Variants in GPA33 observed in about 807,000 individuals in gnomAD.
GPA33 encodes the protein cell surface A33 antigen.
In GPA33, 27 loss-of-function variants were observed where a neutral mutation model predicts 35.6. The observed-to-expected ratio is 0.76, with a 90% CI of 0.56 to 1.04. GPA33 has a LOEUF of 1.04. GPA33 is among the 50% of genes least tolerant of loss of function. The pLI is 0.00. For synonymous variants in GPA33, 176 were observed against 164.0 expected (o/e 1.07, Z -0.56); for missense variants, 428 against 411.9 (o/e 1.04, Z -0.34).
At chr1:167,061,599 T>TC (rs1553243427) in intron 4 of GPA33, among the ~76,000 whole-genome samples, 1 of 140,350 alleles carries the variant, frequency 7.1e-6, no homozygotes, top group South Asian at 2.5e-4. Context: ...TTTTTTTTTT[T>TC]TTTTTTTTTT....
At chr1:167,057,954 C>T (rs2025889) in intron 4 of GPA33, among the ~76,000 whole-genome samples, 67,614 of 152,060 alleles carry the variant, frequency 0.44, 15,407 homozygotes, top group South Asian at 0.6. Flanking sequence ...ATCCCAGCAC[C>T]TTGGGAGGCC....
intron 2 of GPA33, among the ~76,000 whole-genome samples, chr1:167,070,228 C>T (rs2102187834): frequency 6.6e-6 from 1 of 152,220 alleles, no homozygotes; most frequent in Non-Finnish European, 1.5e-5. Context: ...ATATCAACCC[C>T]AGTCATTCAG....
At chr1:167,082,108 T>G (rs1277811709) in intron 1 of GPA33, 1 of 376,848 alleles carries the variant, frequency 2.7e-6, no homozygotes, top group African/African-American at 2.1e-5. Flanking sequence ...GGTGTTGGAC[T>G]GCATATATAA....
intron 1 of GPA33, among the ~76,000 whole-genome samples, chr1:167,080,923 T>G (rs1005297521): frequency 1.3e-5 from 2 of 152,154 alleles, no homozygotes; most frequent in Non-Finnish European, 2.9e-5. Context: ...CCAGAGAAAC[T>G]TGGTGGAAGA....
At position 167,063,681 on chromosome 1, in the gene GPA33, T is replaced by C. The variant is rs992363391; in HGVS notation, c.472A>G (p.Ile158Val). 2.1e-5 allele frequency: 34 copies of C among 1,613,618 alleles called. No homozygotes were observed. The highest frequency in any genetic ancestry group is 2.9e-5 in the Non-Finnish European group (34 of 1,179,928). ...IEGETIIGNN[I>V]QLTCQSKEGS... is the part of the protein sequence containing the mutation. ...TCCTTTGATTGGCAGGTCAGCTGGATGTTGTTCCCAATTATGGTCTCTCCC... is the reference window on the plus strand; with the variant it reads ...TCCTTTGATTGGCAGGTCAGCTGGACGTTGTTCCCAATTATGGTCTCTCCC... The change falls in exon 4 of 7, where the codon ATC (isoleucine) becomes GTC (valine). Residue 158 changes from isoleucine to valine, a missense_variant. By Grantham distance (29) the Ile-to-Val change is conservative. Transcript: ENST00000367868.
rs183906721 is a variant in GPA33 at position 167,068,879 on chromosome 1, C to T, written c.415+43G>A. 54 of 1,503,406 alleles carry T rather than the reference C, an allele frequency of 3.6e-5. No homozygotes were observed. In the East Asian group the frequency reaches 1.1e-3, roughly 30 times the overall value. 93.1% of individuals were successfully genotyped at this position (1,503,406 alleles called of 1,614,324 possible). On this transcript the variant is annotated intron_variant, in intron 3 of 6. Transcript: ENST00000367868. ...CTCTTCTCCCTGTGCTGCCACCTGCCCACCCTCTTCCTACAACTCCTGAAA... is the reference window on the plus strand; with the variant it reads ...CTCTTCTCCCTGTGCTGCCACCTGCTCACCCTCTTCCTACAACTCCTGAAA...
chr1:167,074,575 C>CTGAG (rs1188163345), intron 1 of GPA33, among the ~76,000 whole-genome samples: 2 of 152,112 alleles, frequency 1.3e-5, no homozygotes, highest in African/African-American at 4.8e-5. Flanking sequence ...ATTTTAAGTA[C>CTGAG]TGAGTTTTGG....
rs1666178970 is a variant in GPA33, at chr1:167,054,209, G to T, written c.*125C>A. 1 of 1,255,230 alleles carries T rather than the reference G, an allele frequency of 8.0e-7. No homozygotes were observed. The highest frequency in any genetic ancestry group is 1.5e-5 in the African/African-American group (1 of 67,858). 77.8% of individuals were successfully genotyped at this position (1,255,230 alleles called of 1,614,324 possible). The stretch of plus-strand genomic sequence containing the variant: ...GTTCCCCACAGCTGACACTGGGGAA[G>T]AAATGTCCCCATCAATGTCTGGGAT... On this transcript the variant is annotated 3_prime_UTR_variant, in exon 7 of 7. Transcript: ENST00000367868.
intron 4 of GPA33, among the ~76,000 whole-genome samples, chr1:167,056,221 G>C (rs1666247356): frequency 6.6e-6 from 1 of 152,170 alleles, no homozygotes; most frequent in Admixed American, 6.5e-5. Context: ...GCCCACAACA[G>C]AATGCCTGAT....
intron 3 of GPA33, among the ~76,000 whole-genome samples, chr1:167,065,458 T>A (rs1006007356): frequency 7.2e-5 from 11 of 152,202 alleles, no homozygotes; most frequent in Non-Finnish European, 1.3e-4. Context: ...TGGAGAGGGT[T>A]GCTCCTGGAA....
chr1:167,064,200 C>T (rs1054921605), intron 3 of GPA33, among the ~76,000 whole-genome samples: 6 of 152,090 alleles, frequency 3.9e-5, no homozygotes, highest in African/African-American at 1.4e-4. Context: ...AGGAGAATTG[C>T]TTGAATCTGG....
At chr1:167,074,231 C>A (rs1333794007) in intron 1 of GPA33, among the ~76,000 whole-genome samples, 1 of 151,810 alleles carries the variant, frequency 6.6e-6, no homozygotes, top group Non-Finnish European at 1.5e-5. Context: ...TCTCTTCGAG[C>A]CTGGGTGCAC....
chr1:167,079,811 A>T (rs1457928490), intron 1 of GPA33, among the ~76,000 whole-genome samples: 1 of 152,158 alleles, frequency 6.6e-6, no homozygotes, highest in Admixed American at 6.5e-5. Context: ...GAGGCTTCTG[A>T]TGTTTGCAAT....
intron 4 of GPA33, among the ~76,000 whole-genome samples, chr1:167,056,730 G>A (rs1666291515): frequency 6.8e-6 from 1 of 146,088 alleles, no homozygotes; most frequent in South Asian, 2.2e-4. Flanking sequence ...AGTGTGTGAT[G>A]TATGTGGTGT....
At position 167,054,050 on chromosome 1, in the gene GPA33, A is replaced by T; in HGVS notation, c.*284T>A. ...CTTCCAGGAGCTCCTGCCAACTACG[A>T]GGGAAGTGGAGGCTGCAGCCTGGTC... On this transcript the variant is annotated 3_prime_UTR_variant, in exon 7 of 7. Transcript: ENST00000367868. The T allele has an allele frequency of 2.3e-6, 1 of 432,552 alleles. No homozygotes were observed. The highest frequency in any genetic ancestry group is 4.2e-6 in the Non-Finnish European group (1 of 238,042). The allele number at this position is 432,552 out of a possible 1,614,324, so 26.8% of individuals were successfully genotyped here. A position where few individuals can be genotyped will look rare whatever the true frequency, so the allele number is the denominator to read the frequency against.
chr1:167,084,511 C>T (rs1387498911), intron 1 of GPA33, among the ~76,000 whole-genome samples: 1 of 152,220 alleles, frequency 6.6e-6, no homozygotes, highest in African/African-American at 2.4e-5. Flanking sequence ...GTGACTGCTT[C>T]TCAATAGACT....
rs902007346 is a variant in GPA33 at position 167,054,832 on chromosome 1, T to C, written c.827+144A>G. 33 of 943,976 alleles carry C rather than the reference T, an allele frequency of 3.5e-5. No homozygotes were observed. In the African/African-American group the frequency reaches 4.2e-4, roughly 12 times the overall value. 58.5% of individuals were successfully genotyped at this position (943,976 alleles called of 1,614,324 possible). A position where few individuals can be genotyped will look rare whatever the true frequency, so the allele number is the denominator to read the frequency against. On this transcript the variant is annotated intron_variant, in intron 6 of 6. Coordinates refer to ENST00000367868, the MANE Select transcript of GPA33 (RefSeq NM_005814.3). ...GGGGCTGCAATGCACATTTTATGGC[T>C]TGGACAGGTCATTGTTTCATCAGCA...
chr1:167,082,455 C>A, intron 1 of GPA33: 1 of 380,084 alleles, frequency 2.6e-6, no homozygotes, highest in Non-Finnish European at 5.1e-6. Flanking sequence ...ACAGAGGATC[C>A]TGAGCAGATT....
At chr1:167,056,574 T>G in intron 4 of GPA33, among the ~76,000 whole-genome samples, 1 of 7,774 alleles carries the variant, frequency 1.3e-4, no homozygotes, top group Non-Finnish European at 3.9e-4. Flanking sequence ...GTGGTGTGTG[T>G]GGCATATGTG....
Sources: gnomAD v4.1 joint callset for allele counts (sites outside exome capture counted in the v4.1 genomes callset) on GRCh38, gnomAD v4.1.1 for gene constraint, MANE v1.5 for transcripts, NCBI Gene and HGNC (gene_info 2026-07-23, HGNC 2026-07-21) for gene names.